Variants in COL5A2 observed in about 807,000 individuals in gnomAD.
The protein encoded by COL5A2 is collagen type V alpha 2 chain.
COL5A2 carries 23 observed loss-of-function variants against 208.2 expected under a neutral mutation model. That is an observed-to-expected ratio of 0.11 (90% CI 0.08 to 0.16). The LOEUF (loss-of-function observed/expected upper bound fraction) is 0.16, where lower values mean the gene tolerates loss of function less well. Ranked by LOEUF, COL5A2 falls within the 10% of genes least tolerant of loss-of-function variation. COL5A2 has a pLI of 1.00. For synonymous variants in COL5A2, 625 were observed against 628.5 expected, an observed-to-expected ratio of 0.99 and a Z score of 0.08; for missense variants, 1,590 against 1,956.4, an observed-to-expected ratio of 0.81 and a Z score of 3.53.
At chr2:189,043,380 G>GT in intron 47 of COL5A2, 122 bp from the exon 48 acceptor site, 1 of 645,648 alleles carries the variant, frequency 1.5e-6, no homozygotes, top group African/African-American at 1.8e-5. Context: ...ATTTTATATG[G>GT]ATTAATATAT....
At chr2:189,322,868 C>T in the COL5A2 span, among the ~76,000 whole-genome samples, 1 of 151,904 alleles carries the variant, frequency 6.6e-6, no homozygotes. Flanking sequence ...AGAGGCACAA[C>T]AAAAAAAGAG....
the COL5A2 span, among the ~76,000 whole-genome samples, chr2:189,436,131 A>G: frequency 6.6e-6 from 1 of 152,192 alleles, no homozygotes; most frequent in Non-Finnish European, 1.5e-5. Flanking sequence ...GAACAATGAG[A>G]ACACTTGGGC....
chr2:189,390,547 G>A, the COL5A2 span, among the ~76,000 whole-genome samples: 1 of 152,144 alleles, frequency 6.6e-6, no homozygotes, highest in Admixed American at 6.6e-5. Flanking sequence ...TATTAGGGTT[G>A]AGATGGAGTA....
intron 1 of COL5A2, among the ~76,000 whole-genome samples, chr2:189,123,552 T>A (rs1255279091): frequency 6.6e-6 from 1 of 152,160 alleles, no homozygotes; most frequent in Admixed American, 6.6e-5. Context: ...TCTGTTGTCA[T>A]AAGCCACCCA....
intron 15 of COL5A2, 144 bp downstream of exon 15, chr2:189,078,919 T>A (rs1686472656): frequency 1.4e-6 from 1 of 721,378 alleles, no homozygotes; most frequent in East Asian, 2.7e-5. Flanking sequence ...TGCTTGTCTA[T>A]CAGCTGGTAA....
intron 50 of COL5A2, 145 bp downstream of exon 50, chr2:189,041,441 G>T: frequency 1.4e-6 from 1 of 713,846 alleles, no homozygotes; most frequent in Non-Finnish European, 2.6e-6. Context: ...ACTTGAAATA[G>T]TTACTTATAC....
At chr2:189,391,324 A>T in the COL5A2 span, among the ~76,000 whole-genome samples, 1 of 152,180 alleles carries the variant, frequency 6.6e-6, no homozygotes, top group Non-Finnish European at 1.5e-5. Context: ...TGAGCTGCAC[A>T]TGCTCTTAGG....
chr2:189,149,437 T>C (rs1375175408), intron 1 of COL5A2, among the ~76,000 whole-genome samples: 1 of 152,178 alleles, frequency 6.6e-6, no homozygotes, highest in Non-Finnish European at 1.5e-5. Context: ...AAATTATTGG[T>C]AAATATATTT....
chr2:189,383,720 T>A, the COL5A2 span, among the ~76,000 whole-genome samples: 2 of 152,276 alleles, frequency 1.3e-5, no homozygotes, highest in Middle Eastern at 6.8e-3. Flanking sequence ...ATATTTATTA[T>A]ATATATCACC....
intron 7 of COL5A2, among the ~76,000 whole-genome samples, chr2:189,090,222 T>G (rs1686754699): frequency 6.6e-6 from 1 of 152,142 alleles, no homozygotes; most frequent in African/African-American, 2.4e-5. Context: ...GTAGTCTGGA[T>G]AGAAGATCAA....
At chr2:189,098,196 A>G (rs72906363) in intron 5 of COL5A2, among the ~76,000 whole-genome samples, 20,203 of 152,212 alleles carry the variant, frequency 0.13, 1,368 homozygotes, top group Middle Eastern at 0.19. Flanking sequence ...CATTAAAGCT[A>G]ACTTAGTATT....
At chr2:189,130,558 A>G (rs1687690234) in intron 1 of COL5A2, among the ~76,000 whole-genome samples, 1 of 152,058 alleles carries the variant, frequency 6.6e-6, no homozygotes, top group Non-Finnish European at 1.5e-5. Context: ...GATCTAGGAC[A>G]TAGTGGGTCT....
At chr2:189,360,095 T>C in the COL5A2 span, among the ~76,000 whole-genome samples, 1 of 152,118 alleles carries the variant, frequency 6.6e-6, no homozygotes, top group Admixed American at 6.6e-5. Context: ...ACTACTTTTA[T>C]GTTTGGTTTG....
intron 2 of COL5A2, among the ~76,000 whole-genome samples, chr2:189,108,133 T>C (rs1014454717): frequency 3.3e-5 from 5 of 151,892 alleles, no homozygotes; most frequent in South Asian, 4.1e-4. Flanking sequence ...TAATTATTTC[T>C]GCATTGTCAG....
At position 189,088,736 on chromosome 2, in the gene COL5A2, A is replaced by T. The variant is rs2105658366; in HGVS notation, c.604T>A (p.Ser202Thr). ...AGTCCTACTTGACTCCCAAGTCCAG[A>T]TTTTTCATCCAACCCAGCCATTTGA... ...SAQMAGLDEKSGLGSQVGLMP... is the reference protein window; with the variant it reads ...SAQMAGLDEKTGLGSQVGLMP... Residue 202 changes from serine (S) to threonine (T), a missense_variant, in exon 8 of 54, where the codon TCT (serine) becomes ACT (threonine). By Grantham distance (58) the Ser-to-Thr change is moderately conservative. Coordinates refer to ENST00000374866, the MANE Select transcript of COL5A2 (RefSeq NM_000393.5). 6.2e-7 allele frequency: 1 copy of T among 1,614,050 alleles called. No homozygotes were observed. The highest frequency in any genetic ancestry group is 1.1e-5 in the South Asian group (1 of 91,080).
rs761481937 is a variant in COL5A2 at position 189,034,119 on chromosome 2, C to T, written c.4451G>A (p.Gly1484Asp). Residue 1484 changes from glycine (G) to aspartate (D), a missense_variant, in exon 54 of 54, where the codon GGC (glycine) becomes GAC (aspartate). Transcript: ENST00000374866. The part of the protein sequence containing the change: ...IIDLAPVDVG[G>D]TDQEFGVEIG... The stretch of plus-strand genomic sequence containing the variant: ...TTCAACGCCGAATTCCTGGTCTGTG[C>T]CGCCAACATCCACAGGAGCAAGATC... 13 of 1,613,896 alleles carry T rather than the reference C, an allele frequency of 8.1e-6. No individual in the cohort carries two copies. The highest frequency in any genetic ancestry group is 3.3e-5 in the Admixed American group (2 of 59,976).
chr2:189,057,596 T>TA (rs1240126342), intron 33 of COL5A2, among the ~76,000 whole-genome samples, 169 bp from the exon 34 acceptor site: 2 of 152,204 alleles, frequency 1.3e-5, no homozygotes, highest in South Asian at 2.1e-4. Context: ...ATTTTGAAAT[T>TA]AAAAAAACCA....
At chr2:189,047,144 A>C (rs931754307) in intron 45 of COL5A2, among the ~76,000 whole-genome samples, 4 of 152,068 alleles carry the variant, frequency 2.6e-5, no homozygotes, top group Admixed American at 2.6e-4. Context: ...AAAATACTTA[A>C]AGCACTTGTA....
At chr2:189,113,631 AAT>A (rs950035299) in intron 1 of COL5A2, among the ~76,000 whole-genome samples, 10 of 148,954 alleles carry the variant, frequency 6.7e-5, no homozygotes, top group African/African-American at 2.2e-4. Flanking sequence ...TTAATTATAT[AAT>A]ATATGTTTGT....
Sources: gnomAD v4.1 joint callset for allele counts (sites outside exome capture counted in the v4.1 genomes callset) on GRCh38, gnomAD v4.1.1 for gene constraint, MANE v1.5 for transcripts, NCBI Gene and HGNC (gene_info 2026-07-23, HGNC 2026-07-21) for gene names.